Variants in ZFPM2 observed in about 807,000 individuals in gnomAD.
ZFPM2 encodes the protein zinc finger protein, FOG family member 2, also known as zinc finger protein ZFPM2.
A neutral mutation model predicts 98.6 loss-of-function variants in ZFPM2; 20 were observed. The ratio of observed to expected loss-of-function variants is 0.20; its 90% CI spans 0.14 to 0.29. ZFPM2 has a LOEUF of 0.29. Among genes scored for constraint, ZFPM2 ranks in the 10% least tolerant of loss-of-function variants. The pLI is 1.00. For missense variants in ZFPM2, 1,310 were observed against 1,388.6 expected, an observed-to-expected ratio of 0.94 and a Z score of 0.90; for synonymous variants, 518 against 502.7, an observed-to-expected ratio of 1.03 and a Z score of -0.41.
At position 105,419,207 on chromosome 8, in the gene ZFPM2, T is replaced by A; in HGVS notation, c.104T>A (p.Ile35Asn). 6.2e-7 allele frequency: 1 copy of A among 1,613,678 alleles called. No individual in the cohort carries two copies. The highest frequency in any genetic ancestry group is 8.5e-7 in the Non-Finnish European group (1 of 1,179,696). The change falls in exon 2 of 8, where the codon ATC (isoleucine) becomes AAC (asparagine). Residue 35 changes from isoleucine (I) to asparagine (N), a missense_variant. Transcript: ENST00000407775. ...EECPSEETDI[I>N]SKGDFPLEES... ...TGTCCATCAGAGGAAACAGACATCATCTCCAAAGGAGACTTTCCATTGGAG... is the reference window on the plus strand; with the variant it reads ...TGTCCATCAGAGGAAACAGACATCAACTCCAAAGGAGACTTTCCATTGGAG...
At chr8:105,567,101 A>G (rs980858399) in intron 4 of ZFPM2, among the ~76,000 whole-genome samples, 48 of 152,272 alleles carry the variant, frequency 3.2e-4, no homozygotes, top group African/African-American at 1.0e-3. Flanking sequence ...AATTGCCTCC[A>G]TTTATCCCTT....
At chr8:105,690,597 A>G (rs911123719) in intron 5 of ZFPM2, among the ~76,000 whole-genome samples, 1 of 152,160 alleles carries the variant, frequency 6.6e-6, no homozygotes, top group African/African-American at 2.4e-5. Context: ...CAGCTCAGGT[A>G]CAACGAAATG....
intron 5 of ZFPM2, among the ~76,000 whole-genome samples, chr8:105,634,608 G>C (rs561504735): frequency 1.5e-4 from 23 of 152,102 alleles, no homozygotes; most frequent in African/African-American, 5.3e-4. Flanking sequence ...CCCTGTATTT[G>C]AGTGGCTTGA....
At chr8:105,693,025 G>GAA (rs1374759604) in intron 5 of ZFPM2, among the ~76,000 whole-genome samples, 1 of 152,224 alleles carries the variant, frequency 6.6e-6, no homozygotes, top group Non-Finnish European at 1.5e-5. Context: ...GGCAACTACT[G>GAA]AAATGGGCAG....
intron 5 of ZFPM2, among the ~76,000 whole-genome samples, chr8:105,705,046 A>G (rs1396254340): frequency 2.6e-5 from 4 of 152,182 alleles, no homozygotes; most frequent in Non-Finnish European, 5.9e-5. Flanking sequence ...GCCAGTATAT[A>G]ATTAAGGGAT....
intron 3 of ZFPM2, among the ~76,000 whole-genome samples, chr8:105,454,779 A>G (rs1812555445): frequency 6.6e-6 from 1 of 152,186 alleles, no homozygotes; most frequent in Admixed American, 6.5e-5. Flanking sequence ...GGGAGGGTAA[A>G]TGCATCGTTC....
chr8:105,394,961 C>T (rs1457914233), intron 1 of ZFPM2, among the ~76,000 whole-genome samples: 4 of 152,170 alleles, frequency 2.6e-5, no homozygotes, highest in Non-Finnish European at 5.9e-5. Flanking sequence ...ACAGTCTTTT[C>T]TGGTCCTTTT....
intron 3 of ZFPM2, among the ~76,000 whole-genome samples, chr8:105,484,949 A>C (rs1056755327): frequency 3.3e-5 from 5 of 152,196 alleles, no homozygotes; most frequent in Non-Finnish European, 7.3e-5. Flanking sequence ...AGATAGGACA[A>C]TATAAACTCT....
chr8:105,632,333 C>A (rs1816769925), intron 4 of ZFPM2, among the ~76,000 whole-genome samples: 1 of 152,038 alleles, frequency 6.6e-6, no homozygotes, highest in Non-Finnish European at 1.5e-5. Context: ...TCACACCTGG[C>A]TAATTTGTGT....
chr8:105,436,363 T>A (rs1451738508), intron 2 of ZFPM2, among the ~76,000 whole-genome samples: 1 of 151,782 alleles, frequency 6.6e-6, no homozygotes, highest in Non-Finnish European at 1.5e-5. Flanking sequence ...CTACTAAAAA[T>A]ACAAAGTTGA....
intron 1 of ZFPM2, chr8:105,387,273 G>A (rs1366902461): frequency 6.5e-6 from 1 of 154,784 alleles, no homozygotes; most frequent in African/African-American, 2.4e-5. Flanking sequence ...GCTTCACCCA[G>A]TGGATCCCGC....
At chr8:105,575,466 G>C (rs1815446581) in intron 4 of ZFPM2, among the ~76,000 whole-genome samples, 1 of 152,062 alleles carries the variant, frequency 6.6e-6, no homozygotes, top group Admixed American at 6.5e-5. Flanking sequence ...GTGCTGTTTT[G>C]GACTAGATGA....
intron 5 of ZFPM2, among the ~76,000 whole-genome samples, chr8:105,779,948 G>A (rs561379782): frequency 1.3e-5 from 2 of 152,290 alleles, no homozygotes; most frequent in East Asian, 3.9e-4. Context: ...ACACGTCACT[G>A]CGGTTTTGAC....
intron 4 of ZFPM2, among the ~76,000 whole-genome samples, chr8:105,573,459 C>T (rs1815399781): frequency 6.6e-6 from 1 of 152,050 alleles, no homozygotes; most frequent in African/African-American, 2.4e-5. Flanking sequence ...GGAGCAATCA[C>T]AAAAGAAAAT....
intron 1 of ZFPM2, among the ~76,000 whole-genome samples, chr8:105,402,510 C>A (rs1811360349): frequency 6.6e-6 from 1 of 151,658 alleles, no homozygotes; most frequent in South Asian, 2.1e-4. Flanking sequence ...ATAATTTAAC[C>A]CGTCTTTAGA....
chr8:105,777,437 T>C (rs1395535675), intron 5 of ZFPM2, among the ~76,000 whole-genome samples: 1 of 152,212 alleles, frequency 6.6e-6, no homozygotes, highest in Non-Finnish European at 1.5e-5. Flanking sequence ...TAAAAAAATC[T>C]GTCCTCTCCT....
intron 6 of ZFPM2, among the ~76,000 whole-genome samples, chr8:105,795,245 T>TG (rs1563569130): frequency 1.5e-5 from 2 of 134,508 alleles, no homozygotes; most frequent in East Asian, 4.1e-4. Context: ...TCATTTTATC[T>TG]TTGTGTGTGT....
At chr8:105,672,278 C>T (rs1817611515) in intron 5 of ZFPM2, among the ~76,000 whole-genome samples, 1 of 151,680 alleles carries the variant, frequency 6.6e-6, no homozygotes, top group South Asian at 2.1e-4. Context: ...GAAAAAAATA[C>T]TTGATAGGAT....
chr8:105,664,855 T>G (rs1296929913), intron 5 of ZFPM2, among the ~76,000 whole-genome samples: 1 of 152,134 alleles, frequency 6.6e-6, no homozygotes, highest in Non-Finnish European at 1.5e-5. Flanking sequence ...TAGAAACCAT[T>G]TAATACTAAT....
Sources: gnomAD v4.1 joint callset for allele counts (sites outside exome capture counted in the v4.1 genomes callset) on GRCh38, gnomAD v4.1.1 for gene constraint, MANE v1.5 for transcripts, NCBI Gene and HGNC (gene_info 2026-07-23, HGNC 2026-07-21) for gene names.